The following PTPRT variants were observed in gnomAD, a reference collection of about 807,000 sequenced individuals.
PTPRT encodes the protein receptor-type tyrosine-protein phosphatase T.
Under a neutral mutation model 176.8 loss-of-function variants are expected in PTPRT, and 56 were observed. The observed-to-expected ratio is 0.32, with a 90% CI of 0.26 to 0.40. The LOEUF (loss-of-function observed/expected upper bound fraction) is 0.40, where lower values mean the gene tolerates loss of function less well. Ranked by LOEUF, PTPRT falls within the 10% of genes least tolerant of loss-of-function variation. The pLI is 1.00. For synonymous variants in PTPRT, 783 were observed against 739.0 expected (o/e 1.06, Z -0.96); for missense variants, 1,540 against 1,908.2 (o/e 0.81, Z 3.60).
intron 18 of PTPRT, among the ~76,000 whole-genome samples, chr20:42,135,718 T>C (rs1487450271): frequency 2.0e-5 from 3 of 152,180 alleles, no homozygotes; most frequent in African/African-American, 7.2e-5. Context: ...TCAAATGCCA[T>C]GGGGATGCCA....
intron 7 of PTPRT, among the ~76,000 whole-genome samples, chr20:42,629,273 C>T (rs1471824157): frequency 6.6e-6 from 1 of 151,654 alleles, no homozygotes; most frequent in African/African-American, 2.4e-5. Flanking sequence ...GTTCTGTCTT[C>T]TCCAGTTTAA....
chr20:42,238,964 C>G (rs918609220), intron 14 of PTPRT, among the ~76,000 whole-genome samples: 1 of 152,016 alleles, frequency 6.6e-6, no homozygotes, highest in Non-Finnish European at 1.5e-5. Flanking sequence ...TTATATTAAT[C>G]TAAATTATAC....
intron 1 of PTPRT, among the ~76,000 whole-genome samples, chr20:42,981,438 C>G (rs913429284): frequency 9.9e-5 from 15 of 152,232 alleles, no homozygotes; most frequent in Admixed American, 2.6e-4. Flanking sequence ...GCCCTGGCCA[C>G]GTGAGTTGCT....
intron 8 of PTPRT, among the ~76,000 whole-genome samples, chr20:42,456,751 G>T (rs987952949): frequency 3.9e-5 from 6 of 151,900 alleles, no homozygotes; most frequent in African/African-American, 1.4e-4. Context: ...TTTTGTTTAG[G>T]TATTTGCATA....
intron 16 of PTPRT, among the ~76,000 whole-genome samples, chr20:42,197,083 T>G (rs1991250177): frequency 1.3e-5 from 2 of 151,924 alleles, no homozygotes; most frequent in South Asian, 4.2e-4. Context: ...GCCCTAGACT[T>G]TAAAAAAATG....
At chr20:42,728,937 G>C (rs2076420217) in intron 6 of PTPRT, among the ~76,000 whole-genome samples, 1 of 152,174 alleles carries the variant, frequency 6.6e-6, no homozygotes, top group South Asian at 2.1e-4. Flanking sequence ...GACTGAAAGA[G>C]TGAACAAAGA....
chr20:42,592,014 C>G (rs1426559056), intron 7 of PTPRT, among the ~76,000 whole-genome samples: 1 of 133,492 alleles, frequency 7.5e-6, no homozygotes, highest in Non-Finnish European at 1.5e-5. Flanking sequence ...GAGTCTCACT[C>G]TGTTGCCCAG....
chr20:42,614,191 C>G (rs866964101), intron 7 of PTPRT, among the ~76,000 whole-genome samples: 1 of 152,254 alleles, frequency 6.6e-6, no homozygotes, highest in South Asian at 2.1e-4. Context: ...TCTCTGCATT[C>G]AATTTCACAT....
At chr20:42,519,331 G>A (rs2072127308) in intron 7 of PTPRT, among the ~76,000 whole-genome samples, 1 of 152,048 alleles carries the variant, frequency 6.6e-6, no homozygotes, top group South Asian at 2.1e-4. Flanking sequence ...AGTAATCAAT[G>A]GTGTGCAGGT....
chr20:42,287,852 C>T (rs1206330698), intron 12 of PTPRT, among the ~76,000 whole-genome samples: 4 of 151,516 alleles, frequency 2.6e-5, no homozygotes, highest in Non-Finnish European at 5.9e-5. Flanking sequence ...AATTAGTATA[C>T]GTTAAAAACA....
Position 42,350,709 on chromosome 20 carries a change from T to C in PTPRT, c.1784A>G (p.Asp595Gly). ...TGTCTCATTCAATGGGGTGTCTGTG[T>C]CGTACTCAGGCATGGATGGAGCTGG... ...KISAPSMPEY[D>G]TDTPLNETDT... Residue 595 changes from aspartate (D) to glycine (G), a missense_variant, in exon 11 of 31, where the codon GAC becomes GGC. Coordinates refer to ENST00000373187, the MANE Select transcript of PTPRT (RefSeq NM_007050.6). 6.2e-7 allele frequency: 1 copy of C among 1,613,312 alleles called. No individual in the cohort carries two copies. The highest frequency in any genetic ancestry group is 8.5e-7 in the Non-Finnish European group (1 of 1,179,286).
At chr20:42,816,377 A>C (rs576370609) in intron 2 of PTPRT, among the ~76,000 whole-genome samples, 202 of 152,358 alleles carry the variant, frequency 1.3e-3, no homozygotes, top group Middle Eastern at 0.01. Flanking sequence ...GCAATGAAAC[A>C]ATTTACACAG....
chr20:42,783,855 G>A (rs1043518900), intron 3 of PTPRT, among the ~76,000 whole-genome samples: 9 of 152,256 alleles, frequency 5.9e-5, no homozygotes, highest in Non-Finnish European at 1.2e-4. Context: ...CTGTCTTCAG[G>A]AGGCAGGGGA....
intron 18 of PTPRT, among the ~76,000 whole-genome samples, chr20:42,133,049 T>C (rs773173487): frequency 2.0e-5 from 3 of 152,230 alleles, no homozygotes; most frequent in Non-Finnish European, 4.4e-5. Flanking sequence ...GAAACCTTAA[T>C]TTGAGTACAC....
intron 1 of PTPRT, among the ~76,000 whole-genome samples, chr20:43,171,878 C>T (rs1266518169): frequency 1.3e-5 from 2 of 152,182 alleles, no homozygotes; most frequent in Non-Finnish European, 2.9e-5. Context: ...GACAAGTACC[C>T]TAACCCCTCT....
chr20:42,967,202 C>T (rs1982346759), intron 1 of PTPRT, among the ~76,000 whole-genome samples: 1 of 152,154 alleles, frequency 6.6e-6, no homozygotes, highest in African/African-American at 2.4e-5. Flanking sequence ...TGGTGGCCCC[C>T]AGAAGATAAG....
intron 7 of PTPRT, among the ~76,000 whole-genome samples, chr20:42,522,928 T>C (rs1158356657): frequency 6.6e-6 from 1 of 152,084 alleles, no homozygotes; most frequent in Non-Finnish European, 1.5e-5. Context: ...TGCACGAATA[T>C]GGTGGCTCAT....
intron 1 of PTPRT, among the ~76,000 whole-genome samples, chr20:42,932,977 T>C (rs1979958256): frequency 6.6e-6 from 1 of 152,180 alleles, no homozygotes; most frequent in African/African-American, 2.4e-5. Flanking sequence ...ACCTCTCCTC[T>C]ATAGGGATCC....
chr20:42,735,832 C>T (rs932457703), intron 6 of PTPRT, among the ~76,000 whole-genome samples: 1 of 152,118 alleles, frequency 6.6e-6, no homozygotes, highest in Non-Finnish European at 1.5e-5. Context: ...TGACTCTGTG[C>T]TAACCCCAGG....
Sources: allele counts gnomAD v4.1 joint callset (sites outside exome capture counted in the v4.1 genomes callset), GRCh38; gene constraint gnomAD v4.1.1; transcripts MANE v1.5; gene names NCBI Gene and HGNC (gene_info 2026-07-23, HGNC 2026-07-21).